Variants in EDIL3 observed in about 807,000 individuals in gnomAD.
EDIL3 encodes the protein EGF like and discoidin domains 3.
EDIL3 carries 37 observed loss-of-function variants against 67.4 expected under a neutral mutation model. The observed-to-expected ratio is 0.55, with a 90% CI of 0.42 to 0.72. The LOEUF is 0.72. EDIL3 is among the 30% of genes least tolerant of loss of function. The probability of loss-of-function intolerance (pLI) is 0.00; values close to 1 mark genes in which losing one functional copy is unlikely to be tolerated. For missense variants in EDIL3, 527 were observed against 586.3 expected, an observed-to-expected ratio of 0.90 and a Z score of 1.04; for synonymous variants, 195 against 196.3, an observed-to-expected ratio of 0.99 and a Z score of 0.05.
intron 9 of EDIL3, among the ~76,000 whole-genome samples, chr5:84,016,839 CTTAA>C (rs1320439037): frequency 6.6e-6 from 1 of 152,106 alleles, no homozygotes; most frequent in Non-Finnish European, 1.5e-5. Flanking sequence ...CTCTGCCTGG[CTTAA>C]TTGAGTGTAA....
intron 1 of EDIL3, among the ~76,000 whole-genome samples, 185 bp downstream of exon 1, chr5:84,384,123 C>A (rs1748163809): frequency 6.6e-6 from 1 of 152,128 alleles, no homozygotes; most frequent in African/African-American, 2.4e-5. Flanking sequence ...CTCGGCCCCG[C>A]GCACTCTGCT....
intron 2 of EDIL3, among the ~76,000 whole-genome samples, chr5:84,242,038 G>A (rs1351433649): frequency 7.0e-6 from 1 of 142,742 alleles, no homozygotes; most frequent in African/African-American, 2.7e-5. Flanking sequence ...GGCTAAAACA[G>A]TGAAACCCCG....
intron 2 of EDIL3, among the ~76,000 whole-genome samples, chr5:84,230,186 C>A (rs1210005486): frequency 6.6e-6 from 1 of 151,924 alleles, no homozygotes; most frequent in Admixed American, 6.6e-5. Context: ...TTTTCCTTTG[C>A]AAATAAGATT....
chr5:83,999,019 C>A (rs1182231876), intron 9 of EDIL3, among the ~76,000 whole-genome samples: 2 of 152,088 alleles, frequency 1.3e-5, no homozygotes, highest in Non-Finnish European at 2.9e-5. Context: ...TGGATCTCAT[C>A]CAGGACCATC....
intron 6 of EDIL3, among the ~76,000 whole-genome samples, chr5:84,083,372 C>T (rs1298559557): frequency 3.9e-5 from 6 of 152,086 alleles, no homozygotes; most frequent in Non-Finnish European, 8.8e-5. Context: ...TGCAAAGAGG[C>T]TCCTTCTTTC....
chr5:84,270,701 A>G (rs1263483580), intron 1 of EDIL3, among the ~76,000 whole-genome samples: 1 of 152,184 alleles, frequency 6.6e-6, no homozygotes. Flanking sequence ...TGAACTTCAC[A>G]ATCATCATAG....
intron 4 of EDIL3, among the ~76,000 whole-genome samples, chr5:84,152,523 T>C (rs1258161916): frequency 6.6e-6 from 1 of 152,204 alleles, no homozygotes; most frequent in Non-Finnish European, 1.5e-5. Flanking sequence ...ATTATAAGAT[T>C]AATGCAGAAA....
At chr5:84,277,399 A>C (rs2112103192) in intron 1 of EDIL3, among the ~76,000 whole-genome samples, 1 of 152,222 alleles carries the variant, frequency 6.6e-6, no homozygotes, top group Middle Eastern at 3.4e-3. Flanking sequence ...GTGAAAAATA[A>C]ATTTCTGTTT....
At chr5:84,297,819 A>T (rs1273980701) in intron 1 of EDIL3, among the ~76,000 whole-genome samples, 1 of 152,176 alleles carries the variant, frequency 6.6e-6, no homozygotes, top group African/African-American at 2.4e-5. Flanking sequence ...AACTCAAGAT[A>T]CAGTCGATCC....
At chr5:84,272,428 A>G (rs561821866) in intron 1 of EDIL3, among the ~76,000 whole-genome samples, 22 of 152,226 alleles carry the variant, frequency 1.4e-4, no homozygotes, top group African/African-American at 5.3e-4. Context: ...GGAGGTTTTA[A>G]CTTATTTATC....
intron 9 of EDIL3, among the ~76,000 whole-genome samples, chr5:83,985,571 CT>C (rs1745045389): frequency 6.6e-6 from 1 of 151,948 alleles, no homozygotes. Context: ...TCTAAAATTT[CT>C]TGCTTATCTC....
intron 9 of EDIL3, among the ~76,000 whole-genome samples, chr5:84,053,018 C>G (rs1322731383): frequency 2.0e-5 from 3 of 152,194 alleles, no homozygotes; most frequent in African/African-American, 7.2e-5. Context: ...CTTCTCAGCA[C>G]CACACCACAC....
chr5:84,049,768 A>C (rs1746293343), intron 9 of EDIL3, among the ~76,000 whole-genome samples: 1 of 152,218 alleles, frequency 6.6e-6, no homozygotes, highest in African/African-American at 2.4e-5. Flanking sequence ...TCATACACAG[A>C]GGTCTGAGAA....
chr5:84,340,534 C>CTCTCTCTCTATATATA (rs1432966515), intron 1 of EDIL3, among the ~76,000 whole-genome samples: 4 of 54,204 alleles, frequency 7.4e-5, no homozygotes, highest in East Asian at 6.9e-4. Flanking sequence ...CTCTCTCTCT[C>CTCTCTCTCTATATATA]TATATATATA....
chr5:84,331,432 T>C (rs1746868865), intron 1 of EDIL3, among the ~76,000 whole-genome samples: 1 of 152,130 alleles, frequency 6.6e-6, no homozygotes, highest in Non-Finnish European at 1.5e-5. Context: ...TGGGGGACAT[T>C]ACCCTCATGC....
chr5:84,255,137 A>C (rs1745102400), intron 1 of EDIL3, among the ~76,000 whole-genome samples: 1 of 152,186 alleles, frequency 6.6e-6, no homozygotes, highest in South Asian at 2.1e-4. Context: ...AGTCCATTTG[A>C]AAGTAAAGGG....
chr5:84,017,758 T>G (rs1001742234), intron 9 of EDIL3, among the ~76,000 whole-genome samples: 1 of 152,136 alleles, frequency 6.6e-6, no homozygotes, highest in African/African-American at 2.4e-5. Context: ...TGTTGTTTTC[T>G]TTTTCAATGA....
At position 84,142,508 on chromosome 5, in the gene EDIL3, C is replaced by T. The variant is rs182596165; in HGVS notation, c.356-5154G>A. 7.0e-4 allele frequency among the ~76,000 whole-genome samples: 107 copies of T among 152,068 alleles called. 2 individuals are homozygous for T. Among genetic ancestry groups the T allele is most frequent in the Admixed American group, 5.2e-3 (79 of 15,236 alleles). ...CTGGGACATCATTATCCCAGTTCATCCTTGAGTTCTCTCAGAACTCCTCAG... is the reference window on the plus strand; with the variant it reads ...CTGGGACATCATTATCCCAGTTCATTCTTGAGTTCTCTCAGAACTCCTCAG... On this transcript the variant is annotated intron_variant, in intron 4 of 10. Transcript: ENST00000296591.
intron 2 of EDIL3, among the ~76,000 whole-genome samples, chr5:84,243,697 G>A (rs1224434735): frequency 6.6e-6 from 1 of 152,102 alleles, no homozygotes; most frequent in Non-Finnish European, 1.5e-5. Context: ...TATCTTTACT[G>A]GGTTCTATCT....
Sources: gnomAD v4.1 joint callset for allele counts (sites outside exome capture counted in the v4.1 genomes callset) on GRCh38, gnomAD v4.1.1 for gene constraint, MANE v1.5 for transcripts, NCBI Gene and HGNC (gene_info 2026-07-23, HGNC 2026-07-21) for gene names.